The following AFG1L variants were observed in gnomAD, a reference collection of about 807,000 sequenced individuals.
AFG1L encodes the protein AFG1-like ATPase.
In AFG1L, 53 loss-of-function variants were observed where a neutral mutation model predicts 62.2. That is an observed-to-expected ratio of 0.85 (90% CI 0.68 to 1.07). The LOEUF is 1.07. AFG1L is among the 50% of genes least tolerant of loss of function. AFG1L has a pLI of 0.00. For missense variants in AFG1L, 555 were observed against 590.5 expected, an observed-to-expected ratio of 0.94 and a Z score of 0.62; for synonymous variants, 228 against 210.3, an observed-to-expected ratio of 1.08 and a Z score of -0.73.
chr6:108,495,566 T>A (rs1773942622), intron 10 of AFG1L, among the ~76,000 whole-genome samples: 1 of 152,150 alleles, frequency 6.6e-6, no homozygotes, highest in African/African-American at 2.4e-5. Flanking sequence ...TTGAGAAAAT[T>A]CCCACTTCTG....
chr6:108,414,564 T>G (rs1782271990), intron 7 of AFG1L, among the ~76,000 whole-genome samples: 1 of 152,182 alleles, frequency 6.6e-6, no homozygotes, highest in African/African-American at 2.4e-5. Flanking sequence ...ATCAAAAAGC[T>G]TATCCACCAT....
chr6:108,458,199 G>C (rs900303440), intron 8 of AFG1L, among the ~76,000 whole-genome samples: 2 of 151,940 alleles, frequency 1.3e-5, no homozygotes, highest in Non-Finnish European at 2.9e-5. Context: ...CAATTAGTTT[G>C]GAGAATTTTC....
At chr6:108,377,468 G>C (rs1379974425) in intron 6 of AFG1L, among the ~76,000 whole-genome samples, 1 of 152,166 alleles carries the variant, frequency 6.6e-6, no homozygotes, top group Non-Finnish European at 1.5e-5. Flanking sequence ...GCACTTGCTT[G>C]TCTGGAAAAG....
At chr6:108,472,985 A>G (rs1349005852) in intron 8 of AFG1L, among the ~76,000 whole-genome samples, 2 of 151,680 alleles carry the variant, frequency 1.3e-5, no homozygotes, top group South Asian at 2.1e-4. Context: ...TATTTTTTGT[A>G]GAGATAAAGT....
chr6:108,443,755 G>A (rs1771642959), intron 7 of AFG1L, among the ~76,000 whole-genome samples: 2 of 151,756 alleles, frequency 1.3e-5, no homozygotes, highest in African/African-American at 4.8e-5. Flanking sequence ...CATGCCTGTA[G>A]TCCCACCTAC....
chr6:108,414,572 C>T (rs1160312603), intron 7 of AFG1L, among the ~76,000 whole-genome samples: 5 of 152,190 alleles, frequency 3.3e-5, no homozygotes, highest in African/African-American at 1.2e-4. Context: ...GCTTATCCAC[C>T]ATGATCAAGT....
intron 7 of AFG1L, among the ~76,000 whole-genome samples, chr6:108,422,789 A>T (rs1770660364): frequency 1.3e-5 from 2 of 151,956 alleles, no homozygotes; most frequent in African/African-American, 4.8e-5. Context: ...CCATTCCTTA[A>T]TGTGTAATCT....
At chr6:108,307,481 G>A (rs1041800958) in intron 1 of AFG1L, among the ~76,000 whole-genome samples, 1 of 150,328 alleles carries the variant, frequency 6.7e-6, no homozygotes, top group Admixed American at 6.7e-5. Flanking sequence ...TGTGATCACA[G>A]CTCACTGCCG....
intron 10 of AFG1L, among the ~76,000 whole-genome samples, chr6:108,506,434 C>T (rs551849168): frequency 6.6e-6 from 1 of 152,342 alleles, no homozygotes; most frequent in South Asian, 2.1e-4. Context: ...GTCTCCAACT[C>T]CTGAGCTCAA....
chr6:108,327,059 C>T (rs973271306), intron 2 of AFG1L, among the ~76,000 whole-genome samples: 5 of 151,858 alleles, frequency 3.3e-5, no homozygotes, highest in Non-Finnish European at 7.4e-5. Context: ...TCAGCCTGGA[C>T]GATATAGGGA....
At chr6:108,503,622 C>T (rs1774288895) in intron 10 of AFG1L, among the ~76,000 whole-genome samples, 1 of 152,142 alleles carries the variant, frequency 6.6e-6, no homozygotes, top group South Asian at 2.1e-4. Flanking sequence ...CTTAAGGGCT[C>T]TAGGATTTTC....
intron 7 of AFG1L, among the ~76,000 whole-genome samples, chr6:108,438,271 T>C (rs1275384654): frequency 6.6e-6 from 1 of 152,228 alleles, no homozygotes; most frequent in Non-Finnish European, 1.5e-5. Flanking sequence ...TTCTGGTGGC[T>C]AGAAGGACAA....
intron 3 of AFG1L, among the ~76,000 whole-genome samples, chr6:108,355,045 A>G (rs999105460): frequency 1.4e-4 from 22 of 151,830 alleles, no homozygotes; most frequent in Admixed American, 1.3e-4. Context: ...TAATCTACAT[A>G]TATGATTCAT....
intron 6 of AFG1L, among the ~76,000 whole-genome samples, chr6:108,372,187 CTA>C (rs1780039312): frequency 6.6e-6 from 1 of 151,458 alleles, no homozygotes; most frequent in Non-Finnish European, 1.5e-5. Context: ...GATGACATAA[CTA>C]TAAAATTAAC....
intron 7 of AFG1L, among the ~76,000 whole-genome samples, chr6:108,405,539 GT>G (rs1781814225): frequency 6.6e-6 from 1 of 152,044 alleles, no homozygotes; most frequent in Admixed American, 6.6e-5. Flanking sequence ...TAGAGACAGG[GT>G]TTCACTATGT....
At chr6:108,397,928 T>C (rs1311232821) in intron 6 of AFG1L, among the ~76,000 whole-genome samples, 1 of 152,218 alleles carries the variant, frequency 6.6e-6, no homozygotes, top group African/African-American at 2.4e-5. Flanking sequence ...TGTGCTGATA[T>C]ATCTTTGATG....
chr6:108,369,641 G>T (rs1183963855), intron 6 of AFG1L, among the ~76,000 whole-genome samples: 4 of 151,038 alleles, frequency 2.6e-5, no homozygotes, highest in South Asian at 2.1e-4. Context: ...ACGGATCCTT[G>T]CTCTGTCGCC....
At chr6:108,326,670 G>C (rs1381995857) in intron 2 of AFG1L, among the ~76,000 whole-genome samples, 1 of 152,026 alleles carries the variant, frequency 6.6e-6, no homozygotes, top group Non-Finnish European at 1.5e-5. Flanking sequence ...ATTTAAAAAT[G>C]AATGAGGGGC....
intron 6 of AFG1L, among the ~76,000 whole-genome samples, chr6:108,394,753 G>T (rs1334937725): frequency 1.3e-5 from 2 of 152,128 alleles, no homozygotes; most frequent in Non-Finnish European, 2.9e-5. Flanking sequence ...TTCTTCATGT[G>T]TTTGGTTATC....
Sources: allele counts gnomAD v4.1 joint callset (sites outside exome capture counted in the v4.1 genomes callset), GRCh38; gene constraint gnomAD v4.1.1; transcripts MANE v1.5; gene names NCBI Gene and HGNC (gene_info 2026-07-23, HGNC 2026-07-21).